MARCHF1: variants seen among roughly 807,000 people sequenced by gnomAD.
The protein encoded by MARCHF1 is E3 ubiquitin-protein ligase MARCHF1.
In MARCHF1, 40 loss-of-function variants were observed where a neutral mutation model predicts 54.2. That is an observed-to-expected ratio of 0.74 (90% CI 0.57 to 0.96). The LOEUF (loss-of-function observed/expected upper bound fraction) is 0.96. Ranked by LOEUF, MARCHF1 falls within the 40% of genes least tolerant of loss-of-function variation. The pLI is 0.00. For missense variants in MARCHF1, 586 were observed against 656.5 expected (o/e 0.89, Z 1.17); for synonymous variants, 236 against 236.3 (o/e 1.00, Z 0.01).
At position 164,045,716 on chromosome 4, in the gene MARCHF1, G is replaced by GA. The variant is rs56310196; in HGVS notation, c.-247-57008dup. 9.2e-3 allele frequency among the ~76,000 whole-genome samples: 1,308 copies of GA among 142,668 alleles called. 17 individuals are homozygous for GA. Among genetic ancestry groups the GA allele is most frequent in the Middle Eastern group, 0.033 (9 of 274 alleles). 93.6% of individuals were successfully genotyped at this position (142,668 alleles called of 152,430 possible). On this transcript the variant is annotated intron_variant, in intron 2 of 9. Transcript: ENST00000514618. ...AACAGCAAAATACACCGTTCTAACA[G>GA]AAAAAAAAAAACTAGTCATGTAATA...
At chr4:164,288,810 G>A (rs1381711390) in intron 1 of MARCHF1, among the ~76,000 whole-genome samples, 1 of 152,034 alleles carries the variant, frequency 6.6e-6, no homozygotes, top group African/African-American at 2.4e-5. Context: ...ATTCCGAGGT[G>A]AGAGTTTTCC....
Position 163,612,295 on chromosome 4 carries a change from C to T in MARCHF1, c.986G>A (p.Gly329Glu). 2 of 1,515,930 alleles carry T rather than the reference C, an allele frequency of 1.3e-6. No individual in the cohort carries two copies. Among genetic ancestry groups the T allele is most frequent in the Non-Finnish European group, 1.8e-6 (2 of 1,139,958 alleles). 93.9% of individuals were successfully genotyped at this position (1,515,930 alleles called of 1,614,324 possible). The part of the protein sequence containing the change: ...VQKPPATYDD[G>E]SDNLEVCRIC... Reference sequence around the variant, plus strand: ...CCTGCATACTTCTAAATTATCAGACCCATCGTCATAGGTGGCAGGAGGCTT... The same window carrying T: ...CCTGCATACTTCTAAATTATCAGACTCATCGTCATAGGTGGCAGGAGGCTT... Residue 329 changes from glycine (G) to glutamate (E), a missense_variant, in exon 7 of 10, where the codon GGG becomes GAG. Gly to Glu is a moderately conservative substitution (Grantham distance 98). Transcript: ENST00000514618.
At chr4:163,766,295 G>T (rs1746975010) in intron 4 of MARCHF1, among the ~76,000 whole-genome samples, 1 of 151,918 alleles carries the variant, frequency 6.6e-6, no homozygotes, top group Non-Finnish European at 1.5e-5. Context: ...ATATAACTTT[G>T]GGGGAAAGTA....
intron 4 of MARCHF1, among the ~76,000 whole-genome samples, chr4:163,755,966 AC>A (rs1746654723): frequency 6.6e-6 from 1 of 151,998 alleles, no homozygotes; most frequent in Non-Finnish European, 1.5e-5. Context: ...TGCCAATCTC[AC>A]CCCCTCTAAT....
chr4:163,590,222 T>C (rs1452921044), intron 7 of MARCHF1, among the ~76,000 whole-genome samples: 1 of 151,698 alleles, frequency 6.6e-6, no homozygotes, highest in African/African-American at 2.4e-5. Flanking sequence ...AATCATATTT[T>C]TTTCTTCATA....
intron 1 of MARCHF1, among the ~76,000 whole-genome samples, chr4:164,176,941 G>GCTCTCTCTCTCTCT (rs57770641): frequency 1.2e-4 from 7 of 58,182 alleles, no homozygotes; most frequent in African/African-American, 3.1e-4. Context: ...TACCTTGTGC[G>GCTCTCTCTCTCTCT]CTCTCTCTCT....
chr4:164,035,635 A>C (rs1459072556), intron 2 of MARCHF1, among the ~76,000 whole-genome samples: 27 of 38,428 alleles, frequency 7.0e-4, no homozygotes, highest in African/African-American at 5.6e-3. Flanking sequence ...AAAGAATACA[A>C]AAAAAAAAAA....
chr4:163,611,803 A>G (rs1417596472), intron 7 of MARCHF1, among the ~76,000 whole-genome samples: 3 of 152,074 alleles, frequency 2.0e-5, no homozygotes, highest in Non-Finnish European at 2.9e-5. Flanking sequence ...TACCCTGCTG[A>G]GTCAAACAAT....
chr4:163,550,207 G>C (rs757510237), intron 8 of MARCHF1, among the ~76,000 whole-genome samples: 25 of 150,054 alleles, frequency 1.7e-4, no homozygotes, highest in Non-Finnish European at 3.2e-4. Context: ...GCTTCAACCC[G>C]GGAGGCAGAG....
At chr4:164,129,024 AC>A (rs1269499856) in intron 1 of MARCHF1, among the ~76,000 whole-genome samples, 1 of 152,158 alleles carries the variant, frequency 6.6e-6, no homozygotes, top group African/African-American at 2.4e-5. Context: ...GGTTCATCCC[AC>A]CTAATGGCTT....
At chr4:164,252,140 A>G (rs1733146893) in intron 1 of MARCHF1, among the ~76,000 whole-genome samples, 1 of 152,172 alleles carries the variant, frequency 6.6e-6, no homozygotes, top group South Asian at 2.1e-4. Context: ...AAGCCATACA[A>G]TTAAAAGGAG....
At chr4:163,733,205 A>ATACACGTG (rs1554008848) in intron 4 of MARCHF1, among the ~76,000 whole-genome samples, 1 of 33,220 alleles carries the variant, frequency 3.0e-5, no homozygotes, top group South Asian at 1.7e-3. Context: ...ATATATATAT[A>ATACACGTG]TATATATATA....
At chr4:163,879,594 C>G (rs1750369944) in intron 3 of MARCHF1, among the ~76,000 whole-genome samples, 1 of 152,030 alleles carries the variant, frequency 6.6e-6, no homozygotes, top group Non-Finnish European at 1.5e-5. Flanking sequence ...TGTGCACGTG[C>G]TTGTGTGTTA....
chr4:164,371,910 CA>C (rs1731047289), intron 1 of MARCHF1, among the ~76,000 whole-genome samples: 1 of 152,074 alleles, frequency 6.6e-6, no homozygotes, highest in African/African-American at 2.4e-5. Flanking sequence ...AGTAACGTAT[CA>C]TTTATACATT....
At chr4:163,905,614 C>T (rs1751048257) in intron 3 of MARCHF1, among the ~76,000 whole-genome samples, 1 of 152,052 alleles carries the variant, frequency 6.6e-6, no homozygotes, top group South Asian at 2.1e-4. Context: ...GGATCCAAAT[C>T]CTCGAAGATA....
chr4:164,313,265 C>T (rs927468874), intron 1 of MARCHF1, among the ~76,000 whole-genome samples: 4 of 147,020 alleles, frequency 2.7e-5, no homozygotes, highest in African/African-American at 1.0e-4. Flanking sequence ...AGGAGAATGG[C>T]GTGAACCTGG....
chr4:163,810,107 C>T (rs1278132981), intron 4 of MARCHF1, among the ~76,000 whole-genome samples: 1 of 151,600 alleles, frequency 6.6e-6, no homozygotes, highest in Non-Finnish European at 1.5e-5. Context: ...ATAAACAAGC[C>T]TCTAGGACTA....
chr4:164,024,277 ACAGTT>A (rs1753724178), intron 2 of MARCHF1, among the ~76,000 whole-genome samples: 1 of 152,158 alleles, frequency 6.6e-6, no homozygotes, highest in African/African-American at 2.4e-5. Flanking sequence ...CCCCTCAAGT[ACAGTT>A]ATCAGATTCT....
chr4:163,826,738 G>A (rs745565734), intron 4 of MARCHF1, among the ~76,000 whole-genome samples: 10 of 152,064 alleles, frequency 6.6e-5, no homozygotes, highest in Middle Eastern at 3.4e-3. Flanking sequence ...TAATAAGAGA[G>A]GACTTGCTTT....
Sources: allele counts gnomAD v4.1 joint callset (sites outside exome capture counted in the v4.1 genomes callset), GRCh38; gene constraint gnomAD v4.1.1; transcripts MANE v1.5; gene names NCBI Gene and HGNC (gene_info 2026-07-23, HGNC 2026-07-21).